Variants in GALNT14 observed in about 807,000 individuals in gnomAD.
GALNT14 encodes the protein UDP-GalNAc:polypeptide N-acetylgalactosaminyltransferase 14.
Under a neutral mutation model 77.5 loss-of-function variants are expected in GALNT14, and 60 were observed. The ratio of observed to expected loss-of-function variants is 0.77; its 90% CI spans 0.63 to 0.96. The LOEUF (loss-of-function observed/expected upper bound fraction) is 0.96. Among genes scored for constraint, GALNT14 ranks in the 40% least tolerant of loss-of-function variants. The pLI is 0.00. For missense variants in GALNT14, 710 were observed against 731.0 expected, an observed-to-expected ratio of 0.97 and a Z score of 0.33; for synonymous variants, 280 against 281.7, an observed-to-expected ratio of 0.99 and a Z score of 0.06.
intron 13 of GALNT14, among the ~76,000 whole-genome samples, chr2:30,922,960 G>T (rs749181473): frequency 6.6e-6 from 1 of 151,180 alleles, no homozygotes; most frequent in Non-Finnish European, 1.5e-5. Context: ...CGTTTGTAGA[G>T]AAAAGAACAG....
At chr2:30,895,005 C>T in the GALNT14 span, among the ~76,000 whole-genome samples, 1,161 of 152,350 alleles carry the variant, frequency 7.6e-3, 8 homozygotes, top group Middle Eastern at 0.014. Flanking sequence ...AGTTTTTCAT[C>T]AGCTTCATGA....
intron 1 of GALNT14, among the ~76,000 whole-genome samples, chr2:31,022,931 T>C (rs193287319): frequency 6.6e-6 from 1 of 152,290 alleles, no homozygotes; most frequent in African/African-American, 2.4e-5. Flanking sequence ...TGTCTGCTTA[T>C]CCAGGAGCTC....
At chr2:31,084,114 A>G (rs964593821) in intron 1 of GALNT14, among the ~76,000 whole-genome samples, 3 of 152,224 alleles carry the variant, frequency 2.0e-5, no homozygotes, top group Admixed American at 6.5e-5. Context: ...CAGCTAACAC[A>G]TACTGAACAA....
chr2:31,029,698 AT>A lies in GALNT14; in HGVS notation c.130-36692del, dbSNP rs574789332. Among the ~76,000 whole-genome samples, 13 of 152,264 alleles carry A rather than the reference AT, an allele frequency of 8.5e-5. No individual in the cohort carries two copies. In the East Asian group the frequency reaches 2.5e-3, roughly 29 times the overall value. ...CATGTAGACTAGAACAACACTCTACATCCCAGAGGAGTAGCAATCCCTGGCT... is the reference window on the plus strand; with the variant it reads ...CATGTAGACTAGAACAACACTCTACACCCAGAGGAGTAGCAATCCCTGGCT... On this transcript the variant is annotated intron_variant, in intron 1 of 14. Transcript: ENST00000349752.
chr2:31,037,873 T>C lies in GALNT14; in HGVS notation c.130-44866A>G, dbSNP rs530695716. On this transcript the variant is annotated intron_variant, in intron 1 of 14. Coordinates refer to ENST00000349752, the MANE Select transcript of GALNT14 (RefSeq NM_024572.4). ...ACTCTGCCTCATTCTTCACTTCCTA[T>C]TTGCATAGCCTCAAAATCAGCCAAA... 2.6e-5 allele frequency among the ~76,000 whole-genome samples: 4 copies of C among 151,854 alleles called. No individual in the cohort carries two copies. In the South Asian group the frequency reaches 8.3e-4, roughly 32 times the overall value.
Position 30,924,749 on chromosome 2 carries a change from G to T in GALNT14, c.1226C>A (p.Pro409His). The T allele has an allele frequency of 6.2e-7, 1 of 1,613,914 alleles. No homozygotes were observed. The highest frequency in any genetic ancestry group is 1.1e-5 in the South Asian group (1 of 91,060). ...SFKWYLENIY[P>H]ELSIPKESSI... ...CAGGTAGGACGGATACCTGAGTTCA[G>T]GGTAGATATTCTCCAGGTACCACTT... Residue 409 changes from proline (P) to histidine (H), a missense_variant, in exon 12 of 15, where the codon CCT becomes CAT. Coordinates refer to ENST00000349752, the MANE Select transcript of GALNT14 (RefSeq NM_024572.4).
At chr2:30,962,075 G>C (rs1047684387) in intron 3 of GALNT14, among the ~76,000 whole-genome samples, 4 of 152,118 alleles carry the variant, frequency 2.6e-5, no homozygotes, top group Non-Finnish European at 5.9e-5. Flanking sequence ...GCTCAAGTTT[G>C]AGAGCCCCTG....
chr2:31,015,120 T>C (rs1042431016), intron 1 of GALNT14, among the ~76,000 whole-genome samples: 3 of 151,888 alleles, frequency 2.0e-5, no homozygotes, highest in Admixed American at 6.6e-5. Flanking sequence ...TGAAACCTCA[T>C]CTCTACTAAA....
chr2:30,958,430 C>T lies in GALNT14; in HGVS notation c.433G>A (p.Glu145Lys). The T allele has an allele frequency of 1.9e-6, 3 of 1,614,058 alleles. No homozygotes were observed. Among genetic ancestry groups the T allele is most frequent in the Non-Finnish European group, 2.5e-6 (3 of 1,179,984 alleles). The change falls in exon 4 of 15, where the codon GAA (glutamate) becomes AAA (lysine). Residue 145 changes from glutamate to lysine, a missense_variant. Physicochemically the swap from Glu to Lys is moderately conservative, Grantham distance 56. Transcript: ENST00000349752. ...LNRTPTHLIR[E>K]IILVDDFSND... ...CTGAAGTCATCCACTAATATGATTT[C>T]CCGGATCAGATGCGTAGGGGTGCGG... is the stretch of plus-strand genomic sequence containing the variant.
intron 1 of GALNT14, among the ~76,000 whole-genome samples, chr2:31,054,075 AG>A (rs772205044): frequency 6.6e-6 from 1 of 152,234 alleles, no homozygotes; most frequent in South Asian, 2.1e-4. Context: ...TGTGGCTATC[AG>A]GGAGAGCAAG....
intron 1 of GALNT14, among the ~76,000 whole-genome samples, chr2:31,084,591 CAAACATGT>C (rs1206978076): frequency 7.9e-5 from 12 of 152,142 alleles, no homozygotes; most frequent in Non-Finnish European, 1.0e-4. Flanking sequence ...AGCATGGGTG[CAAACATGT>C]CAAACAAGAC....
At chr2:31,055,802 T>C (rs1558531433) in intron 1 of GALNT14, among the ~76,000 whole-genome samples, 1 of 152,164 alleles carries the variant, frequency 6.6e-6, no homozygotes, top group East Asian at 1.9e-4. Context: ...TTTATTTCTC[T>C]TATGAAAAGT....
At chr2:30,974,360 A>G (rs571793309) in intron 2 of GALNT14, among the ~76,000 whole-genome samples, 1 of 152,360 alleles carries the variant, frequency 6.6e-6, no homozygotes, top group African/African-American at 2.4e-5. Context: ...TCTACCCTGC[A>G]TGCTGCAGCT....
chr2:30,966,143 A>G (rs1667989697), intron 3 of GALNT14, 61 bp downstream of exon 3: 1 of 1,322,970 alleles, frequency 7.6e-7, no homozygotes, highest in Non-Finnish European at 1.1e-6. Flanking sequence ...CCTGGGGAGC[A>G]GACACACTGT....
At chr2:31,035,686 G>C (rs1371148601) in intron 1 of GALNT14, among the ~76,000 whole-genome samples, 1 of 145,788 alleles carries the variant, frequency 6.9e-6, no homozygotes, top group African/African-American at 2.5e-5. Context: ...CCATAAAAAA[G>C]AATCAGATCA....
intron 6 of GALNT14, among the ~76,000 whole-genome samples, chr2:30,946,315 G>A (rs184469122): frequency 6.6e-6 from 1 of 152,300 alleles, no homozygotes; most frequent in Admixed American, 6.5e-5. Context: ...CCCAGTGTTG[G>A]AGGTGGGGCC....
At chr2:30,951,844 T>A (rs1667047039) in intron 6 of GALNT14, among the ~76,000 whole-genome samples, 1 of 152,080 alleles carries the variant, frequency 6.6e-6, no homozygotes, top group South Asian at 2.1e-4. Flanking sequence ...GCCCCCAATA[T>A]CCAAAGAGAC....
At chr2:30,918,663 GGGCAGGGAGGGTGGCATCA>G (rs1558402393) in intron 13 of GALNT14, among the ~76,000 whole-genome samples, 61 of 121,832 alleles carry the variant, frequency 5.0e-4, no homozygotes, top group South Asian at 3.4e-3. Flanking sequence ...GGATGGCATC[GGGCAGGGAGGGTGGCATCA>G]GGCAGGGAGG....
intron 1 of GALNT14, among the ~76,000 whole-genome samples, chr2:31,067,385 C>T (rs563488453): frequency 6.6e-6 from 1 of 152,106 alleles, no homozygotes; most frequent in African/African-American, 2.4e-5. Context: ...CTGGGAATGC[C>T]GTGCTGAGTG....
Sources: gnomAD v4.1 joint callset for allele counts (sites outside exome capture counted in the v4.1 genomes callset) on GRCh38, gnomAD v4.1.1 for gene constraint, MANE v1.5 for transcripts, NCBI Gene and HGNC (gene_info 2026-07-23, HGNC 2026-07-21) for gene names.